The following C5orf15 variants were observed in gnomAD, a reference collection of about 807,000 sequenced individuals.
C5orf15 encodes chromosome 5 open reading frame 15.
A neutral mutation model predicts 17.8 loss-of-function variants in C5orf15; 10 were observed. The ratio of observed to expected loss-of-function variants is 0.56; its 90% CI spans 0.35 to 0.95. The LOEUF (loss-of-function observed/expected upper bound fraction) is 0.95, where lower values mean the gene tolerates loss of function less well. Among genes scored for constraint, C5orf15 ranks in the 40% least tolerant of loss-of-function variants. The pLI, the probability that C5orf15 is intolerant of heterozygous loss-of-function variation, is 0.02. For missense variants in C5orf15, 319 were observed against 331.7 expected (o/e 0.96, Z 0.30); for synonymous variants, 124 against 131.0 (o/e 0.95, Z 0.36).
Position 133,968,476 on chromosome 5 carries a change from G to A in C5orf15, c.109C>T (p.Leu37Phe). Residue 37 changes from leucine (L) to phenylalanine (F), a missense_variant, in exon 1 of 3, where the codon CTC becomes TTC. This residue lies in a region of C5orf15 where 127 missense variants were observed against 95.6 expected (regional missense o/e 1.33). Transcript: ENST00000231512. ...VGLARPLVLA[L>F]LLVSAALSSV... Reference sequence around the variant, plus strand: ...GATAGAGCGGCGGACACAAGCAGGAGCGCCAAGACCAGCGGCCGCGCCAAC... The same window carrying A: ...GATAGAGCGGCGGACACAAGCAGGAACGCCAAGACCAGCGGCCGCGCCAAC... 1 of 1,604,970 alleles carries A rather than the reference G, an allele frequency of 6.2e-7. No homozygotes were observed. The highest frequency in any genetic ancestry group is 8.5e-7 in the Non-Finnish European group (1 of 1,176,286).
At chr5:133,958,764 G>T (rs1327918875) in intron 2 of C5orf15, among the ~76,000 whole-genome samples, 1 of 151,636 alleles carries the variant, frequency 6.6e-6, no homozygotes, top group Non-Finnish European at 1.5e-5. Context: ...TAAAATAAAT[G>T]TGTAACACTT....
At chr5:133,961,145 A>G (rs1752116370) in intron 1 of C5orf15, among the ~76,000 whole-genome samples, 1 of 150,308 alleles carries the variant, frequency 6.7e-6, no homozygotes, top group South Asian at 2.1e-4. Flanking sequence ...ACCACAGTTG[A>G]CATCCATTTT....
At chr5:133,966,912 C>A (rs1561575988) in intron 1 of C5orf15, among the ~76,000 whole-genome samples, 1 of 152,168 alleles carries the variant, frequency 6.6e-6, no homozygotes, top group Non-Finnish European at 1.5e-5. Flanking sequence ...TAAAATGTCT[C>A]AGTATAGTTA....
intron 1 of C5orf15, chr5:133,967,497 T>C (rs1364422721): frequency 6.6e-6 from 1 of 152,246 alleles, no homozygotes; most frequent in Admixed American, 6.5e-5. Flanking sequence ...AAATACCGTT[T>C]AATCCTTACA....
chr5:133,965,323 C>T (rs1350530497), intron 1 of C5orf15, among the ~76,000 whole-genome samples: 3 of 152,120 alleles, frequency 2.0e-5, no homozygotes, highest in Non-Finnish European at 4.4e-5. Flanking sequence ...TGTTTAACTC[C>T]AATACCTAGC....
intron 2 of C5orf15, 104 bp downstream of exon 2, chr5:133,959,390 T>C: frequency 1.3e-6 from 1 of 775,616 alleles, no homozygotes; most frequent in Non-Finnish European, 1.8e-6. Context: ...TGAAACCCAC[T>C]ACACTTTTTT....
At chr5:133,961,232 TAA>T (rs56684565) in intron 1 of C5orf15, among the ~76,000 whole-genome samples, 12 of 30,434 alleles carry the variant, frequency 3.9e-4, no homozygotes, top group African/African-American at 1.2e-3. Context: ...AGTCAGTTAG[TAA>T]AAAAAAAAAA....
chr5:133,965,010 C>G (rs1396212191), intron 1 of C5orf15, among the ~76,000 whole-genome samples: 1 of 152,204 alleles, frequency 6.6e-6, no homozygotes, highest in Non-Finnish European at 1.5e-5. Context: ...CCATCCATTT[C>G]TCACAAAAGT....
chr5:133,963,482 T>G (rs548413980), intron 1 of C5orf15, among the ~76,000 whole-genome samples: 2 of 152,314 alleles, frequency 1.3e-5, no homozygotes, highest in South Asian at 4.1e-4. Context: ...GCTCTGAACA[T>G]TATGTATAAA....
chr5:133,959,469 A>C (rs773468208), intron 2 of C5orf15, 25 bp downstream of exon 2: 1 of 1,393,968 alleles, frequency 7.2e-7, no homozygotes, highest in Non-Finnish European at 9.6e-7. Context: ...GAAATAATAA[A>C]GGGCTAAAAA....
At chr5:133,958,345 A>C (rs1180834308) in intron 2 of C5orf15, among the ~76,000 whole-genome samples, 2 of 151,994 alleles carry the variant, frequency 1.3e-5, no homozygotes, top group African/African-American at 4.8e-5. Flanking sequence ...GGGAGGCTGA[A>C]GTGGGTGGAT....
At chr5:133,967,710 T>C (rs1580700708) in intron 1 of C5orf15, among the ~76,000 whole-genome samples, 1 of 152,312 alleles carries the variant, frequency 6.6e-6, no homozygotes, top group East Asian at 1.9e-4. Context: ...AGAGGAATCA[T>C]GATCTCCCTT....
chr5:133,960,728 C>T (rs1467058550), intron 1 of C5orf15, among the ~76,000 whole-genome samples: 1 of 152,182 alleles, frequency 6.6e-6, no homozygotes, highest in Non-Finnish European at 1.5e-5. Context: ...CAAATACACA[C>T]ACATTCTTAT....
Position 133,959,656 on chromosome 5 carries a change from G to C in C5orf15, c.504C>G (p.Thr168=), listed in dbSNP as rs765370041. Reference sequence around the variant, plus strand: ...CCATGTAACCCCTGTTTTCTTCCAAGGTGTCATCAGACTCGTCGTCGTCCC... The same window carrying C: ...CCATGTAACCCCTGTTTTCTTCCAACGTGTCATCAGACTCGTCGTCGTCCC... ...GPRDDDESDD[T]LEENRGYMEI... Residue 168 remains threonine (T), a synonymous_variant, in exon 2 of 3, where the codon ACC becomes ACG. Coordinates refer to ENST00000231512, the MANE Select transcript of C5orf15 (RefSeq NM_020199.3). 1.7e-5 allele frequency: 27 copies of C among 1,613,624 alleles called. No individual in the cohort carries two copies. In the South Asian group the frequency reaches 2.9e-4, roughly 17 times the overall value.
chr5:133,957,576 A>G (rs1399288800), intron 2 of C5orf15, among the ~76,000 whole-genome samples: 17 of 152,224 alleles, frequency 1.1e-4, no homozygotes, highest in Admixed American at 7.9e-4. Context: ...GCCAAACACT[A>G]AACAGTGGGA....
intron 2 of C5orf15, among the ~76,000 whole-genome samples, chr5:133,958,954 C>CT (rs1349860254): frequency 6.6e-6 from 1 of 151,828 alleles, no homozygotes; most frequent in Admixed American, 6.6e-5. Flanking sequence ...AGGACTATTT[C>CT]TTTTTTTAGA....
In C5orf15 at chr5:133,959,612, T is replaced by G. The variant is rs779459438; in HGVS notation, c.548A>C (p.Lys183Thr). The G allele has an allele frequency of 3.1e-6, 5 of 1,613,084 alleles. No individual in the cohort carries two copies. Among genetic ancestry groups the G allele is most frequent in the Non-Finnish European group, 4.2e-6 (5 of 1,179,690 alleles). Residue 183 changes from lysine (K) to threonine (T), a missense_variant, in exon 2 of 3, where the codon AAA becomes ACA. Around this residue, in one of 3 missense-constraint regions of C5orf15, gnomAD observed 175 missense variants for 192.4 expected, o/e 0.91. Transcript: ENST00000231512. ...ATTTGAGGATGGCATCTTAAAAGAT[T>G]TCACTGACTGTTCAATTTCCATGTA... Reference protein sequence around the residue: ...RGYMEIEQSVKSFKMPSSNIE... With the variant: ...RGYMEIEQSVTSFKMPSSNIE...
Position 133,968,551 on chromosome 5 carries a change from GC to G in C5orf15, c.33del (p.Pro12GlnfsTer57), listed in dbSNP as rs1345493704. Reference sequence around the variant, plus strand: ...CCGGGCAGCAGTTTCGCTTGTGCTGGCCCCCTCATCCTCTTCGGGACGGCAG... The same window carrying G: ...CCGGGCAGCAGTTTCGCTTGTGCTGGCCCCTCATCCTCTTCGGGACGGCAG... MAAAVPKRMRGPAQAKLLPGS... is the reference protein window; with the variant it reads MAAAVPKRMRXPAQAKLLPGS... On this transcript the variant is annotated frameshift_variant, in exon 1 of 3. Coordinates refer to ENST00000231512, the MANE Select transcript of C5orf15 (RefSeq NM_020199.3). LOFTEE classifies it high-confidence loss of function. 3.1e-6 allele frequency: 5 copies of G among 1,609,774 alleles called. No individual in the cohort carries two copies. Among genetic ancestry groups the G allele is most frequent in the Admixed American group, 1.7e-5 (1 of 59,596 alleles).
chr5:133,964,824 C>T (rs919688900), intron 1 of C5orf15, among the ~76,000 whole-genome samples: 5 of 152,160 alleles, frequency 3.3e-5, no homozygotes, highest in Non-Finnish European at 5.9e-5. Flanking sequence ...TTTTCACCCT[C>T]CACTGCTCCT....
Sources: gnomAD v4.1 joint callset for allele counts (sites outside exome capture counted in the v4.1 genomes callset) on GRCh38, gnomAD v4.1.1 for gene constraint, gnomAD v4.1.1 regional missense constraint, MANE v1.5 for transcripts, NCBI Gene and HGNC (gene_info 2026-07-23, HGNC 2026-07-21) for gene names.